Variants in KLHL6 observed in about 807,000 individuals in gnomAD.
KLHL6 encodes kelch-like protein 6.
Under a neutral mutation model 58.6 loss-of-function variants are expected in KLHL6, and 41 were observed. The observed-to-expected ratio is 0.70, with a 90% confidence interval of 0.55 to 0.91. The LOEUF is 0.91. Ranked by LOEUF, KLHL6 falls within the 40% of genes least tolerant of loss-of-function variation. The probability of loss-of-function intolerance (pLI) is 0.00; values close to 1 mark genes in which losing one functional copy is unlikely to be tolerated. For missense variants in KLHL6, 714 were observed against 805.6 expected (o/e 0.89, Z 1.38); for synonymous variants, 338 against 322.7 (o/e 1.05, Z -0.51).
Position 183,492,369 on chromosome 3 carries a change from C to A in KLHL6, c.1564+125G>T. Reference sequence around the variant, plus strand: ...AGTCGATTGATGGCTCTCCTGAAAGCCAGAGTGGGTCCTAGGGGCAGTGAG... The same window carrying A: ...AGTCGATTGATGGCTCTCCTGAAAGACAGAGTGGGTCCTAGGGGCAGTGAG... On this transcript the variant is annotated intron_variant, in intron 6 of 6. Coordinates refer to ENST00000341319, the MANE Select transcript of KLHL6 (RefSeq NM_130446.4). The surrounding 1 kb of genome is among the most constrained non-coding windows in gnomAD (Gnocchi z 5.9). 1 of 1,308,660 alleles carries A rather than the reference C, an allele frequency of 7.6e-7. No homozygotes were observed. The highest frequency in any genetic ancestry group is 1.4e-5 in the South Asian group (1 of 70,660). 81.1% of individuals were successfully genotyped at this position (1,308,660 alleles called of 1,614,324 possible).
In KLHL6 at chr3:183,508,362, C is replaced by A. The variant is rs761329783; in HGVS notation, c.606G>T (p.Val202=). The A allele has an allele frequency of 1.9e-6, 3 of 1,614,226 alleles. 1 individual carries two copies. In the South Asian group the frequency reaches 3.3e-5, roughly 18 times the overall value. The change falls in exon 3 of 7, where the codon GTG becomes GTT. Residue 202 remains valine, a synonymous_variant. Coordinates refer to ENST00000341319, the MANE Select transcript of KLHL6 (RefSeq NM_130446.4). ...GAAACTCCTCAGAGTTCAGAATCTG[C>A]ACAAAGTTTTGAATGATGTAACTCT... ...QVQSYIIQNF[V]QILNSEEFLD... is the part of the protein sequence containing the mutation.
Position 183,499,352 on chromosome 3 carries a change from AAAAG to A in KLHL6, c.1147+234_1147+237del, listed in dbSNP as rs953661681. On this transcript the variant is annotated intron_variant, in intron 4 of 6. Transcript: ENST00000341319. The surrounding 1 kb of genome is among the most constrained non-coding windows in gnomAD (Gnocchi z 4.6). ...CAGAGCGAGACGCTGTCTCAAAAAA[AAAAG>A]AAAAGAAAAGAAAAGAAAAAAATAG... Among the ~76,000 whole-genome samples the A allele has an allele frequency of 6.6e-5, 10 of 151,750 alleles. No individual in the cohort carries two copies. The highest frequency in any genetic ancestry group is 1.2e-4 in the Non-Finnish European group (8 of 67,882).
At chr3:183,504,658 T>G (rs1717954130) in intron 3 of KLHL6, among the ~76,000 whole-genome samples, 1 of 152,206 alleles carries the variant, frequency 6.6e-6, no homozygotes, top group Non-Finnish European at 1.5e-5. Context: ...GAAGTATAGT[T>G]GATCAAGGCA....
intron 4 of KLHL6, among the ~76,000 whole-genome samples, chr3:183,498,824 C>T (rs1030917540): frequency 6.6e-6 from 1 of 152,198 alleles, no homozygotes; most frequent in African/African-American, 2.4e-5. Context: ...CTGAAGCAAA[C>T]ACTTTCGTAA....
chr3:183,505,805 C>A (rs772082039), intron 3 of KLHL6, among the ~76,000 whole-genome samples: 38 of 152,134 alleles, frequency 2.5e-4, no homozygotes, highest in Non-Finnish European at 5.1e-4. Flanking sequence ...TGAAAAAATT[C>A]TTTGAGACAC....
chr3:183,517,151 T>C (rs1163507858), intron 2 of KLHL6, among the ~76,000 whole-genome samples: 1 of 152,184 alleles, frequency 6.6e-6, no homozygotes, highest in Non-Finnish European at 1.5e-5. Context: ...TGGCTTCAAG[T>C]GATCTGCCTG....
intron 1 of KLHL6, among the ~76,000 whole-genome samples, chr3:183,552,961 T>G (rs1712988382): frequency 6.6e-6 from 1 of 152,068 alleles, no homozygotes; most frequent in African/African-American, 2.4e-5. Flanking sequence ...GTCAGGTTGT[T>G]GTGAGGGTGG....
intron 2 of KLHL6, among the ~76,000 whole-genome samples, chr3:183,525,839 T>C (rs1399871678): frequency 6.6e-6 from 1 of 152,184 alleles, no homozygotes; most frequent in East Asian, 1.9e-4. Flanking sequence ...GGATGTATAG[T>C]GTGCCTACGT....
intron 1 of KLHL6, among the ~76,000 whole-genome samples, chr3:183,535,325 A>C (rs1205880782): frequency 2.6e-5 from 4 of 152,162 alleles, no homozygotes; most frequent in Non-Finnish European, 5.9e-5. Flanking sequence ...GCTAGTAGCT[A>C]CCATATTAGA....
At chr3:183,553,283 A>G (rs1462609118) in intron 1 of KLHL6, among the ~76,000 whole-genome samples, 2 of 152,138 alleles carry the variant, frequency 1.3e-5, no homozygotes, top group African/African-American at 4.8e-5. Context: ...CGACCGGCAG[A>G]GACTTTCCCT....
At position 183,491,089 on chromosome 3, in the gene KLHL6, G is replaced by C. The variant is rs935281406; in HGVS notation, c.*838C>G. 2 of 139,298 alleles carry C rather than the reference G, an allele frequency of 1.4e-5. No individual in the cohort carries two copies. The highest frequency in any genetic ancestry group is 1.5e-4 in the Admixed American group (2 of 13,782). The allele number at this position is 139,298 out of a possible 1,614,324, so 8.6% of individuals were successfully genotyped here. A position where few individuals can be genotyped will look rare whatever the true frequency, so the allele number is the denominator to read the frequency against. ...CTTGCCGAAACAAGAAATGAGCCAG[G>C]TTTCTTTGTTTTTGTTTTTGTTTTT... On this transcript the variant is annotated 3_prime_UTR_variant, in exon 7 of 7. Transcript: ENST00000341319.
chr3:183,554,717 C>G (rs1376756144), intron 1 of KLHL6, among the ~76,000 whole-genome samples: 1 of 152,230 alleles, frequency 6.6e-6, no homozygotes, highest in Admixed American at 6.5e-5. Flanking sequence ...GTTTCCAACA[C>G]CAGTCAGACC....
At position 183,499,077 on chromosome 3, in the gene KLHL6, C is replaced by T. The variant is rs555412536; in HGVS notation, c.1147+513G>A. ...ACAACGCTGGCCGGACGAGGTGGCT[C>T]ACGCCTGTAATCCCAGCACTTTGGG... On this transcript the variant is annotated intron_variant, in intron 4 of 6. Coordinates refer to ENST00000341319, the MANE Select transcript of KLHL6 (RefSeq NM_130446.4). The surrounding 1 kb of genome is among the most constrained non-coding windows in gnomAD (Gnocchi z 4.6). Among the ~76,000 whole-genome samples, 9 of 152,328 alleles carry T rather than the reference C, an allele frequency of 5.9e-5. No homozygotes were observed. In the South Asian group the frequency reaches 1.7e-3, roughly 28 times the overall value.
intron 1 of KLHL6, among the ~76,000 whole-genome samples, chr3:183,543,782 G>A (rs1712628617): frequency 6.6e-6 from 1 of 152,188 alleles, no homozygotes; most frequent in African/African-American, 2.4e-5. Context: ...AACCTGCTGA[G>A]TGTCTATTAT....
chr3:183,489,768 C>T lies in KLHL6; in HGVS notation c.*2159G>A, dbSNP rs1399064946. 6 of 152,350 alleles carry T rather than the reference C, an allele frequency of 3.9e-5. No individual in the cohort carries two copies. The East Asian group carries it at 1.2e-3, about 29-fold the overall frequency. 9.4% of individuals were successfully genotyped at this position (152,350 alleles called of 1,614,324 possible). The stretch of plus-strand genomic sequence containing the variant: ...ACAGAGCATTTCACACACCAACATA[C>T]ATTTATATTTATCTTCAATAATCTG... On this transcript the variant is annotated 3_prime_UTR_variant, in exon 7 of 7. Transcript: ENST00000341319.
At chr3:183,528,039 G>A (rs370002032) in intron 1 of KLHL6, 29 bp from the exon 2 acceptor site, 74 of 1,613,118 alleles carry the variant, frequency 4.6e-5, no homozygotes, top group African/African-American at 1.9e-4. Context: ...AATGTGAATC[G>A]TGCCGAGACC....
chr3:183,516,961 G>A (rs542584904), intron 2 of KLHL6, among the ~76,000 whole-genome samples: 4 of 152,212 alleles, frequency 2.6e-5, no homozygotes, highest in Admixed American at 6.5e-5. Flanking sequence ...CCAGGCTGGA[G>A]TGCATGGTGT....
chr3:183,535,799 C>CG (rs11438677), intron 1 of KLHL6, among the ~76,000 whole-genome samples: 7,860 of 152,072 alleles, frequency 0.052, 620 homozygotes, highest in African/African-American at 0.18. Flanking sequence ...CTTTTTGAGA[C>CG]GAGTCTCGCT....
chr3:183,535,372 T>G (rs115692386), intron 1 of KLHL6, among the ~76,000 whole-genome samples: 21 of 152,192 alleles, frequency 1.4e-4, no homozygotes, highest in Non-Finnish European at 2.4e-4. Context: ...AACTCAGGTG[T>G]TGGGGTCACC....
Sources: gnomAD v4.1 joint callset for allele counts (sites outside exome capture counted in the v4.1 genomes callset) on GRCh38, gnomAD v4.1.1 for gene constraint, Gnocchi (gnomAD v3.1) non-coding constraint, MANE v1.5 for transcripts, NCBI Gene and HGNC (gene_info 2026-07-23, HGNC 2026-07-21) for gene names.